CADPS2: variants seen among roughly 807,000 people sequenced by gnomAD.
CADPS2 encodes the protein calcium-dependent secretion activator 2.
Under a neutral mutation model 172.5 loss-of-function variants are expected in CADPS2, and 93 were observed. That is an observed-to-expected ratio of 0.54 (90% CI 0.46 to 0.64). The LOEUF (loss-of-function observed/expected upper bound fraction) is 0.64, where lower values mean the gene tolerates loss of function less well. Ranked by LOEUF, CADPS2 falls within the 30% of genes least tolerant of loss-of-function variation. The pLI, the probability that CADPS2 is intolerant of heterozygous loss-of-function variation, is 0.00. For synonymous variants in CADPS2, 546 were observed against 555.2 expected (o/e 0.98, Z 0.23); for missense variants, 1,420 against 1,565.9 (o/e 0.91, Z 1.57).
chr7:122,549,631 G>A (rs1039245715), intron 8 of CADPS2, among the ~76,000 whole-genome samples: 2 of 149,196 alleles, frequency 1.3e-5, no homozygotes, highest in African/African-American at 5.0e-5. Context: ...AAAAAAAAAA[G>A]ATTAGTATTA....
At chr7:122,344,433 C>A (rs966590730) in intron 28 of CADPS2, among the ~76,000 whole-genome samples, 2 of 152,112 alleles carry the variant, frequency 1.3e-5, no homozygotes, top group African/African-American at 2.4e-5. Flanking sequence ...CTCTGTTAGT[C>A]TCCTTTACAG....
intron 11 of CADPS2, among the ~76,000 whole-genome samples, chr7:122,486,785 C>T (rs764462121): frequency 4.1e-4 from 63 of 152,222 alleles, no homozygotes; most frequent in Non-Finnish European, 7.8e-4. Context: ...CAGCAAACTT[C>T]ATCCTTGTCT....
chr7:122,389,959 G>C (rs2044164960), intron 22 of CADPS2, among the ~76,000 whole-genome samples: 1 of 151,946 alleles, frequency 6.6e-6, no homozygotes, highest in Non-Finnish European at 1.5e-5. Context: ...TTATGAGCTA[G>C]CTTAGAAAAA....
At chr7:122,612,607 T>C (rs1409899763) in intron 6 of CADPS2, among the ~76,000 whole-genome samples, 1 of 152,062 alleles carries the variant, frequency 6.6e-6, no homozygotes, top group Admixed American at 6.6e-5. Flanking sequence ...AAGATGGCAG[T>C]ATGCTCCAAA....
intron 2 of CADPS2, among the ~76,000 whole-genome samples, chr7:122,724,023 T>C (rs1316194422): frequency 1.1e-5 from 1 of 94,310 alleles, no homozygotes; most frequent in Admixed American, 1.3e-4. Context: ...CACTGGGGCC[T>C]GTTGTGGGGT....
chr7:122,744,776 G>A (rs765592514), intron 1 of CADPS2, among the ~76,000 whole-genome samples: 30 of 152,146 alleles, frequency 2.0e-4, no homozygotes, highest in Non-Finnish European at 4.4e-4. Flanking sequence ...AGCACTAAGT[G>A]AATGACGCCT....
At chr7:122,397,652 C>T (rs1028659379) in intron 20 of CADPS2, among the ~76,000 whole-genome samples, 38 of 152,152 alleles carry the variant, frequency 2.5e-4, no homozygotes, top group Admixed American at 2.0e-4. Context: ...CAGACACTGT[C>T]AAAAGGCCCT....
chr7:122,863,346 T>A (rs542857629), intron 1 of CADPS2, among the ~76,000 whole-genome samples: 151 of 152,292 alleles, frequency 9.9e-4, no homozygotes, highest in Middle Eastern at 3.4e-3. Context: ...CTACATAATG[T>A]TTAAGAGAAC....
chr7:122,702,861 G>A, intron 2 of CADPS2: 1 of 746,524 alleles, frequency 1.3e-6, no homozygotes, highest in Non-Finnish European at 2.2e-6. Flanking sequence ...CACATAAATG[G>A]AAAAGGTCTC....
At chr7:122,439,376 CAT>C (rs2051059269) in intron 16 of CADPS2, 1 of 152,162 alleles carries the variant, frequency 6.6e-6, no homozygotes, top group African/African-American at 2.4e-5. Flanking sequence ...GATTACAAAA[CAT>C]ATGGCAGAAT....
chr7:122,378,556 T>G (rs2042620546), intron 25 of CADPS2, among the ~76,000 whole-genome samples: 1 of 152,144 alleles, frequency 6.6e-6, no homozygotes, highest in Admixed American at 6.6e-5. Context: ...TTTTGTCTGT[T>G]TATTAAATTG....
chr7:122,839,404 G>T (rs1341375852), intron 1 of CADPS2, among the ~76,000 whole-genome samples: 1 of 152,154 alleles, frequency 6.6e-6, no homozygotes, highest in Non-Finnish European at 1.5e-5. Context: ...AAAAGCAATG[G>T]CAACAAAAGC....
chr7:122,472,878 CTGAAG>C (rs1240988053), intron 13 of CADPS2, among the ~76,000 whole-genome samples: 1 of 152,084 alleles, frequency 6.6e-6, no homozygotes, highest in African/African-American at 2.4e-5. Flanking sequence ...TTCTTCCTCT[CTGAAG>C]TATCCCCATT....
chr7:122,537,481 A>G (rs1339983423), intron 8 of CADPS2, among the ~76,000 whole-genome samples: 2 of 151,886 alleles, frequency 1.3e-5, no homozygotes, highest in African/African-American at 2.4e-5. Context: ...ACATAAGCAG[A>G]AAAAAAGCTC....
intron 28 of CADPS2, among the ~76,000 whole-genome samples, chr7:122,344,729 G>C (rs1350419096): frequency 6.6e-6 from 1 of 152,150 alleles, no homozygotes; most frequent in Non-Finnish European, 1.5e-5. Flanking sequence ...TTTATGGAAT[G>C]CTGCAAAAGG....
intron 1 of CADPS2, among the ~76,000 whole-genome samples, chr7:122,742,220 G>A (rs2092519393): frequency 1.3e-5 from 2 of 151,516 alleles, no homozygotes; most frequent in African/African-American, 2.4e-5. Flanking sequence ...GTGAAACCCC[G>A]TCTCTACTAA....
At chr7:122,664,046 A>G (rs1208760820) in intron 2 of CADPS2, among the ~76,000 whole-genome samples, 3 of 146,404 alleles carry the variant, frequency 2.0e-5, no homozygotes, top group Admixed American at 1.4e-4. Context: ...TAAGAAATAA[A>G]TGACCATTGT....
At chr7:122,813,249 T>C (rs1800493649) in intron 1 of CADPS2, among the ~76,000 whole-genome samples, 1 of 152,148 alleles carries the variant, frequency 6.6e-6, no homozygotes, top group Non-Finnish European at 1.5e-5. Context: ...TACATATTTT[T>C]CTTCTTTCCC....
chr7:122,615,199 G>T lies in CADPS2; in HGVS notation c.1205C>A (p.Ala402Asp). 1 of 1,546,586 alleles carries T rather than the reference G, an allele frequency of 6.5e-7. No individual in the cohort carries two copies. Among genetic ancestry groups the T allele is most frequent in the Non-Finnish European group, 8.8e-7 (1 of 1,141,928 alleles). Residue 402 changes from alanine to aspartate, a missense_variant, in exon 6 of 30, where the codon GCC becomes GAC. Physicochemically the swap from Ala to Asp is moderately radical, Grantham distance 126 (BLOSUM62 -2). Coordinates refer to ENST00000449022, the MANE Select transcript of CADPS2 (RefSeq NM_017954.11). ...GGCTTACTGTGGCCTTGAGGCTTCG[G>T]CCTGGTCTGTCTGAAGTTTTTCTCC... ...VEGEKLQTDQ[A>D]EASRPQWGTQ...
Sources: allele counts gnomAD v4.1 joint callset (sites outside exome capture counted in the v4.1 genomes callset), GRCh38; gene constraint gnomAD v4.1.1; transcripts MANE v1.5; gene names NCBI Gene and HGNC (gene_info 2026-07-23, HGNC 2026-07-21).